KHDRBS2: variants seen among roughly 807,000 people sequenced by gnomAD.
The protein encoded by KHDRBS2 is KH RNA binding domain containing, signal transduction associated 2.
A neutral mutation model predicts 44.3 loss-of-function variants in KHDRBS2; 26 were observed. The ratio of observed to expected loss-of-function variants is 0.59; its 90% CI spans 0.43 to 0.81. The LOEUF is 0.81. KHDRBS2 is among the 40% of genes least tolerant of loss of function. The pLI, the probability that KHDRBS2 is intolerant of heterozygous loss-of-function variation, is 0.00. For missense variants in KHDRBS2, 476 were observed against 433.1 expected (o/e 1.10, Z -0.88); for synonymous variants, 194 against 151.1 (o/e 1.28, Z -2.08).
rs563017395 is a variant in KHDRBS2 at position 62,169,973 on chromosome 6, C to T, written c.219+7212G>A. Among the ~76,000 whole-genome samples, 10 of 151,776 alleles carry T rather than the reference C, an allele frequency of 6.6e-5. 1 individual carries two copies. The South Asian group carries it at 2.1e-3, about 32-fold the overall frequency. ...TCTGCTTGAACTCAGCTAGCAGGTA[C>T]AGCCTTCTTACAGTCTTAGAAAATA... On this transcript the variant is annotated intron_variant, in intron 2 of 8. Transcript: ENST00000281156.
chr6:62,047,841 C>A (rs754759806), intron 3 of KHDRBS2, 37 bp downstream of exon 3: 28 of 1,349,352 alleles, frequency 2.1e-5, no homozygotes, highest in Non-Finnish European at 2.7e-5. Flanking sequence ...TAGGTAACCT[C>A]CTGAATGTGG....
the KHDRBS2 span, among the ~76,000 whole-genome samples, chr6:61,561,869 C>A: frequency 6.6e-6 from 1 of 152,114 alleles, no homozygotes; most frequent in Non-Finnish European, 1.5e-5. Flanking sequence ...ATATCTCTTC[C>A]CTCCCCACTC....
chr6:62,070,611 C>G (rs1010054730), intron 2 of KHDRBS2, among the ~76,000 whole-genome samples: 2 of 151,768 alleles, frequency 1.3e-5, no homozygotes, highest in African/African-American at 2.4e-5. Flanking sequence ...GTCCTTGCGA[C>G]AGTTTGCTGA....
intron 6 of KHDRBS2, among the ~76,000 whole-genome samples, chr6:61,763,047 A>G (rs1779505082): frequency 6.6e-6 from 1 of 152,096 alleles, no homozygotes; most frequent in Admixed American, 6.6e-5. Flanking sequence ...TTCTTCAATG[A>G]GCTTCATGAT....
intron 2 of KHDRBS2, among the ~76,000 whole-genome samples, chr6:62,058,092 T>A (rs1428959143): frequency 6.6e-6 from 1 of 151,906 alleles, no homozygotes; most frequent in Admixed American, 6.6e-5. Flanking sequence ...ACACGTGGCA[T>A]TTTTCTGGTC....
chr6:62,036,552 G>GA (rs959013297), intron 3 of KHDRBS2, among the ~76,000 whole-genome samples: 13 of 151,302 alleles, frequency 8.6e-5, no homozygotes, highest in African/African-American at 1.5e-4. Context: ...AAAATTATAA[G>GA]AAAAAAAAGT....
At chr6:61,985,360 T>C (rs1774851567) in intron 3 of KHDRBS2, among the ~76,000 whole-genome samples, 1 of 152,170 alleles carries the variant, frequency 6.6e-6, no homozygotes, top group South Asian at 2.1e-4. Flanking sequence ...ATTTCAAATA[T>C]CAACCTTTTC....
At chr6:62,251,094 A>G (rs1278299534) in intron 1 of KHDRBS2, among the ~76,000 whole-genome samples, 1 of 151,980 alleles carries the variant, frequency 6.6e-6, no homozygotes, top group Non-Finnish European at 1.5e-5. Flanking sequence ...ACTTTTAGAT[A>G]ATACACACTG....
chr6:62,153,508 C>A (rs751344661), intron 2 of KHDRBS2, among the ~76,000 whole-genome samples: 2 of 151,140 alleles, frequency 1.3e-5, no homozygotes, highest in Admixed American at 6.6e-5. Flanking sequence ...TTTTTAAGCA[C>A]GAAAAAGTAA....
chr6:61,707,790 A>T (rs1320228329), intron 7 of KHDRBS2, among the ~76,000 whole-genome samples: 2 of 151,740 alleles, frequency 1.3e-5, no homozygotes, highest in African/African-American at 2.4e-5. Flanking sequence ...AAATGCTCTG[A>T]GTCATTAAAA....
At chr6:62,068,933 TC>T (rs1794370302) in intron 2 of KHDRBS2, among the ~76,000 whole-genome samples, 1 of 151,706 alleles carries the variant, frequency 6.6e-6, no homozygotes, top group Non-Finnish European at 1.5e-5. Context: ...CTGTTTGAGT[TC>T]TTTAAATTTC....
intron 2 of KHDRBS2, among the ~76,000 whole-genome samples, chr6:62,087,271 AT>A (rs1554391169): frequency 3.3e-5 from 5 of 152,118 alleles, no homozygotes; most frequent in Non-Finnish European, 7.4e-5. Context: ...GTTTTTCACG[AT>A]TCTAAACAAC....
intron 6 of KHDRBS2, among the ~76,000 whole-genome samples, chr6:61,877,649 AG>A (rs1397290667): frequency 1.3e-5 from 2 of 151,886 alleles, no homozygotes; most frequent in African/African-American, 2.4e-5. Context: ...ATGCAACCGG[AG>A]CAAGGGCTAA....
intron 6 of KHDRBS2, among the ~76,000 whole-genome samples, chr6:61,837,261 A>G (rs1583086181): frequency 6.6e-6 from 1 of 152,030 alleles, no homozygotes; most frequent in African/African-American, 2.4e-5. Flanking sequence ...CAAAGTGTTC[A>G]TTATTGTTTC....
chr6:61,895,923 C>T (rs181472235), intron 5 of KHDRBS2, among the ~76,000 whole-genome samples: 2 of 152,128 alleles, frequency 1.3e-5, no homozygotes, highest in East Asian at 1.9e-4. Flanking sequence ...GTGAAGGGTA[C>T]GAATGCTGGC....
Position 61,998,657 on chromosome 6 carries a change from T to G in KHDRBS2, c.337-20445A>C, listed in dbSNP as rs1156232880. ...TTTCTGGCATATATTTTTAGTATATTTTTTGTGTTTGTTTTCTCCTTTGTC... is the reference window on the plus strand; with the variant it reads ...TTTCTGGCATATATTTTTAGTATATGTTTTGTGTTTGTTTTCTCCTTTGTC... On this transcript the variant is annotated intron_variant, in intron 3 of 8. Coordinates refer to ENST00000281156, the MANE Select transcript of KHDRBS2 (RefSeq NM_152688.4). Among the ~76,000 whole-genome samples the G allele has an allele frequency of 4.6e-5, 7 of 152,136 alleles. No homozygotes were observed. In the East Asian group the frequency reaches 5.8e-4, roughly 13 times the overall value.
intron 4 of KHDRBS2, among the ~76,000 whole-genome samples, chr6:61,945,488 A>C (rs1813179080): frequency 6.6e-6 from 1 of 152,012 alleles, no homozygotes; most frequent in African/African-American, 2.4e-5. Flanking sequence ...TACAAACGGC[A>C]CAACTTAAAC....
At chr6:61,902,035 C>T (rs994297848) in intron 4 of KHDRBS2, among the ~76,000 whole-genome samples, 3 of 152,068 alleles carry the variant, frequency 2.0e-5, no homozygotes, top group African/African-American at 4.8e-5. Context: ...GGCTCACTGC[C>T]GCCTCCGCTT....
intron 3 of KHDRBS2, among the ~76,000 whole-genome samples, chr6:62,038,906 T>C (rs1047786183): frequency 2.0e-5 from 3 of 152,058 alleles, no homozygotes; most frequent in Non-Finnish European, 2.9e-5. Flanking sequence ...TCCCACAGGG[T>C]TTGACATTAA....
Sources: allele counts gnomAD v4.1 joint callset (sites outside exome capture counted in the v4.1 genomes callset), GRCh38; gene constraint gnomAD v4.1.1; transcripts MANE v1.5; gene names NCBI Gene and HGNC (gene_info 2026-07-23, HGNC 2026-07-21).